The following ZNG1E variants were observed in gnomAD, a reference collection of about 807,000 sequenced individuals.
The protein encoded by ZNG1E is Zn regulated GTPase metalloprotein activator 1E.
chr9:65,710,686 A>T, the ZNG1E span, among the ~76,000 whole-genome samples: 5 of 151,014 alleles, frequency 3.3e-5, no homozygotes, highest in Admixed American at 3.3e-4. Context: ...GTTATTTCTG[A>T]GGGCTCTGTT....
chr9:65,704,483 C>T, the ZNG1E span: 1 of 564,038 alleles, frequency 1.8e-6, no homozygotes, highest in Non-Finnish European at 2.0e-6. Context: ...GCTATGAGGA[C>T]TGAAGTTGGA....
At chr9:65,715,077 C>G in the ZNG1E span, among the ~76,000 whole-genome samples, 1 of 149,292 alleles carries the variant, frequency 6.7e-6, no homozygotes, top group Non-Finnish European at 1.5e-5. Context: ...CTCTCCGAGC[C>G]AGGTGTGGGA....
At chr9:65,694,436 G>A in the ZNG1E span, among the ~76,000 whole-genome samples, 1 of 150,676 alleles carries the variant, frequency 6.6e-6, no homozygotes, top group Non-Finnish European at 1.5e-5. Context: ...CATGATGGAG[G>A]CCAAAAAAAC....
At chr9:65,674,431 AG>A in the ZNG1E span, among the ~76,000 whole-genome samples, 12 of 152,260 alleles carry the variant, frequency 7.9e-5, no homozygotes, top group Non-Finnish European at 5.9e-5. Context: ...TCAGGATAGT[AG>A]TAAAACATTC....
chr9:65,671,346 TTTA>T, the ZNG1E span, among the ~76,000 whole-genome samples: 2 of 123,862 alleles, frequency 1.6e-5, no homozygotes, highest in Non-Finnish European at 2.0e-5. Flanking sequence ...AGATTACTTT[TTTA>T]TTTTTTTGTC....
chr9:65,715,103 C>T, the ZNG1E span, among the ~76,000 whole-genome samples: 24 of 149,528 alleles, frequency 1.6e-4, 1 homozygote, highest in South Asian at 1.1e-3. Flanking sequence ...TCTCCTGGTG[C>T]GCCGTTTTTC....
the ZNG1E span, among the ~76,000 whole-genome samples, chr9:65,660,844 TA>T: frequency 0.011 from 1,613 of 142,548 alleles, 10 homozygotes; most frequent in African/African-American, 0.04. Context: ...TATATATATA[TA>T]TATATATATA....
the ZNG1E span, among the ~76,000 whole-genome samples, chr9:65,675,064 C>G: frequency 6.7e-6 from 1 of 149,440 alleles, no homozygotes; most frequent in African/African-American, 2.5e-5. Flanking sequence ...TAAGTACATA[C>G]GTGGGATATG....
At chr9:65,659,450 A>G in the ZNG1E span, among the ~76,000 whole-genome samples, 4 of 150,722 alleles carry the variant, frequency 2.7e-5, no homozygotes, top group African/African-American at 7.4e-5. Flanking sequence ...AGCCGAGATC[A>G]TGCCACTGCA....
chr9:65,698,907 T>A, the ZNG1E span, among the ~76,000 whole-genome samples: 1 of 142,808 alleles, frequency 7.0e-6, no homozygotes, highest in Non-Finnish European at 1.5e-5. Flanking sequence ...TAATTATTAT[T>A]ATTATTTTTT....
At chr9:65,695,741 TCA>T in the ZNG1E span, among the ~76,000 whole-genome samples, 9 of 127,336 alleles carry the variant, frequency 7.1e-5, no homozygotes, top group Admixed American at 6.4e-4. Flanking sequence ...GACCAACATC[TCA>T]CACCACTCCC....
At chr9:65,710,164 G>T in the ZNG1E span, among the ~76,000 whole-genome samples, 1 of 146,324 alleles carries the variant, frequency 6.8e-6, no homozygotes, top group Non-Finnish European at 1.5e-5. Context: ...TTTGAGAAGT[G>T]TCTGTTCATG....
At chr9:65,679,853 CA>C in the ZNG1E span, among the ~76,000 whole-genome samples, 1 of 152,064 alleles carries the variant, frequency 6.6e-6, no homozygotes, top group East Asian at 1.9e-4. Context: ...CATGCCTGGC[CA>C]AAAAATGTCT....
At chr9:65,672,559 C>T in the ZNG1E span, among the ~76,000 whole-genome samples, 9 of 151,600 alleles carry the variant, frequency 5.9e-5, no homozygotes, top group Non-Finnish European at 1.0e-4. Context: ...GCCTGGCTAA[C>T]GTGGTGAAAC....
chr9:65,673,550 T>A, the ZNG1E span, among the ~76,000 whole-genome samples: 1 of 152,178 alleles, frequency 6.6e-6, no homozygotes, highest in East Asian at 1.9e-4. Context: ...TCAACCTGAC[T>A]GAGCTGGCCT....
chr9:65,672,190 A>C, the ZNG1E span, among the ~76,000 whole-genome samples: 1 of 150,836 alleles, frequency 6.6e-6, no homozygotes, highest in Non-Finnish European at 1.5e-5. Context: ...TTTACCTTGG[A>C]GAGTTAAATG....
chr9:65,683,898 T>C, the ZNG1E span, among the ~76,000 whole-genome samples: 1 of 152,288 alleles, frequency 6.6e-6, no homozygotes, highest in Non-Finnish European at 1.5e-5. Flanking sequence ...ATTATTTGAA[T>C]CTGGTAAGAA....
At chr9:65,730,832 TTA>T in the ZNG1E span, among the ~76,000 whole-genome samples, 1 of 130,008 alleles carries the variant, frequency 7.7e-6, no homozygotes, top group East Asian at 2.2e-4. Context: ...AAATTTGGGG[TTA>T]TATTGGCAAA....
chr9:65,666,800 C>T, the ZNG1E span, among the ~76,000 whole-genome samples: 1 of 151,646 alleles, frequency 6.6e-6, no homozygotes, highest in African/African-American at 2.4e-5. Context: ...TAATATTCTG[C>T]TTACTAACAG....
Sources: gnomAD v4.1 joint callset for allele counts (sites outside exome capture counted in the v4.1 genomes callset) on GRCh38, gnomAD v4.1.1 for gene constraint, MANE v1.5 for transcripts, NCBI Gene and HGNC (gene_info 2026-07-23, HGNC 2026-07-21) for gene names.